Variants in GNAI1 observed in about 807,000 individuals in gnomAD.
The protein encoded by GNAI1 is guanine nucleotide-binding protein G(i) subunit alpha-1.
A neutral mutation model predicts 38.9 loss-of-function variants in GNAI1; 11 were observed. That is an observed-to-expected ratio of 0.28 (90% CI 0.18 to 0.47). The LOEUF is 0.47. Among genes scored for constraint, GNAI1 ranks in the 20% least tolerant of loss-of-function variants. The pLI, the probability that GNAI1 is intolerant of heterozygous loss-of-function variation, is 0.99. For synonymous variants in GNAI1, 166 were observed against 145.1 expected, an observed-to-expected ratio of 1.14 and a Z score of -1.04; for missense variants, 317 against 436.9, an observed-to-expected ratio of 0.73 and a Z score of 2.45.
chr7:80,160,163 C>T (rs1787896815), intron 1 of GNAI1, among the ~76,000 whole-genome samples: 1 of 151,534 alleles, frequency 6.6e-6, no homozygotes, highest in African/African-American at 2.4e-5. Flanking sequence ...GACTTGCATA[C>T]TCTAGGTAGC....
At chr7:80,167,408 A>G (rs1201615734) in intron 1 of GNAI1, among the ~76,000 whole-genome samples, 3 of 152,210 alleles carry the variant, frequency 2.0e-5, no homozygotes, top group Non-Finnish European at 2.9e-5. Flanking sequence ...TGGCAAAGGA[A>G]AAGATTTTCG....
intron 1 of GNAI1, among the ~76,000 whole-genome samples, chr7:80,176,708 G>A (rs956215705): frequency 6.6e-6 from 1 of 151,914 alleles, no homozygotes; most frequent in Admixed American, 6.6e-5. Flanking sequence ...AGGCCAAGGC[G>A]GGCAGATCAC....
chr7:80,159,274 G>A (rs1279573459), intron 1 of GNAI1, among the ~76,000 whole-genome samples: 1 of 152,002 alleles, frequency 6.6e-6, no homozygotes, highest in Admixed American at 6.6e-5. Context: ...AGATGGGCTG[G>A]GCTAAGTGAC....
At chr7:80,135,410 C>T in intron 1 of GNAI1, 132 bp downstream of exon 1, 1 of 510,684 alleles carries the variant, frequency 2.0e-6, no homozygotes. Flanking sequence ...GGAGCTGGGT[C>T]CGGCGGTGCG....
Position 80,210,822 on chromosome 7 carries a change from CA to C in GNAI1, c.591-146del, listed in dbSNP as rs1187027039. The C allele has an allele frequency of 1.3e-5, 6 of 453,118 alleles. No homozygotes were observed. In the East Asian group the frequency reaches 2.5e-4, roughly 19 times the overall value. 28.1% of individuals were successfully genotyped at this position (453,118 alleles called of 1,614,324 possible). A position where few individuals can be genotyped will look rare whatever the true frequency, so the allele number is the denominator to read the frequency against. ...CCCTTTTGAGAAGTCCAGTTTGTGA[CA>C]TTTTTTTCTCCCATAAAGTCCTTCT... On this transcript the variant is annotated intron_variant, in intron 5 of 7. Coordinates refer to ENST00000649796, the MANE Select transcript of GNAI1 (RefSeq NM_002069.6).
At chr7:80,169,223 C>T (rs189354143) in intron 1 of GNAI1, among the ~76,000 whole-genome samples, 2 of 152,236 alleles carry the variant, frequency 1.3e-5, no homozygotes, top group Admixed American at 1.3e-4. Context: ...GTTTTCCATC[C>T]ACTTGCCTCT....
chr7:80,203,713 T>C lies in GNAI1; in HGVS notation c.471T>C (p.Asn157=). ...QLNDSAAYYL[N]DLDRIAQPNY... is the part of the protein sequence containing the mutation. Reference sequence around the variant, plus strand: ...GTTTAATTTTTTTCAGCTATTTGAATGACTTGGACAGAATAGCTCAACCAA... The same window carrying C: ...GTTTAATTTTTTTCAGCTATTTGAACGACTTGGACAGAATAGCTCAACCAA... The change falls in exon 5 of 8, where the codon AAT becomes AAC. Residue 157 remains asparagine, a synonymous_variant. Coordinates refer to ENST00000649796, the MANE Select transcript of GNAI1 (RefSeq NM_002069.6). 2 of 1,576,546 alleles carry C rather than the reference T, an allele frequency of 1.3e-6. No homozygotes were observed. The highest frequency in any genetic ancestry group is 1.7e-6 in the Non-Finnish European group (2 of 1,156,858).
In GNAI1 at chr7:80,178,422, T is replaced by C. The variant is rs930011960; in HGVS notation, c.119-10529T>C. On this transcript the variant is annotated intron_variant, in intron 1 of 7. Coordinates refer to ENST00000649796, the MANE Select transcript of GNAI1 (RefSeq NM_002069.6). Reference sequence around the variant, plus strand: ...GCATCACATGCTGCAGAAAAATCTTTCTTGAAAGGTAGAGTCAGTCAGTGC... The same window carrying C: ...GCATCACATGCTGCAGAAAAATCTTCCTTGAAAGGTAGAGTCAGTCAGTGC... 1.1e-4 allele frequency among the ~76,000 whole-genome samples: 17 copies of C among 152,178 alleles called. 1 individual carries two copies. Among genetic ancestry groups the C allele is most frequent in the Admixed American group, 1.0e-3 (16 of 15,278 alleles).
At chr7:80,173,283 A>G (rs1414119732) in intron 1 of GNAI1, among the ~76,000 whole-genome samples, 1 of 152,194 alleles carries the variant, frequency 6.6e-6, no homozygotes, top group Non-Finnish European at 1.5e-5. Context: ...TCTTGTCTAA[A>G]TATACTTTTA....
chr7:80,214,745 A>C (rs1407443415), intron 7 of GNAI1, among the ~76,000 whole-genome samples: 1 of 152,134 alleles, frequency 6.6e-6, no homozygotes, highest in Non-Finnish European at 1.5e-5. Flanking sequence ...CACTTGATTT[A>C]TCTCCTGTCT....
intron 1 of GNAI1, among the ~76,000 whole-genome samples, chr7:80,158,997 C>A (rs955755040): frequency 2.0e-5 from 3 of 152,190 alleles, no homozygotes; most frequent in African/African-American, 4.8e-5. Context: ...CACTGCCCAC[C>A]ACCCACCACA....
At chr7:80,155,195 CT>C (rs1373499627) in intron 1 of GNAI1, among the ~76,000 whole-genome samples, 1 of 152,016 alleles carries the variant, frequency 6.6e-6, no homozygotes, top group Non-Finnish European at 1.5e-5. Context: ...AAGTTTAATA[CT>C]TTTTATAATC....
Position 80,224,849 on chromosome 7 carries a change from T to C in GNAI1, c.*7356T>C, listed in dbSNP as rs1460586743. 2.0e-5 allele frequency among the ~76,000 whole-genome samples: 3 copies of C among 152,222 alleles called. No individual in the cohort carries two copies. The highest frequency in any genetic ancestry group is 7.2e-5 in the African/African-American group (3 of 41,448). ...ACATGTTGAACTGATTTGTGATATA[T>C]TGGGTTATATAATTTTAAAATTCTA... On this transcript the variant is annotated 3_prime_UTR_variant, in exon 8 of 8. Transcript: ENST00000649796.
intron 1 of GNAI1, among the ~76,000 whole-genome samples, chr7:80,165,952 C>T (rs1001601171): frequency 1.1e-4 from 16 of 151,918 alleles, no homozygotes; most frequent in Admixed American, 7.9e-4. Context: ...AATATAAAAC[C>T]TTGGACTCCT....
At chr7:80,160,768 G>C (rs963694709) in intron 1 of GNAI1, among the ~76,000 whole-genome samples, 1 of 151,752 alleles carries the variant, frequency 6.6e-6, no homozygotes, top group Non-Finnish European at 1.5e-5. Context: ...AGAGTATTTT[G>C]GTAAAACAAT....
At position 80,225,520 on chromosome 7, in the gene GNAI1, C is replaced by T. The variant is rs374376302; in HGVS notation, c.*8027C>T. On this transcript the variant is annotated 3_prime_UTR_variant, in exon 8 of 8. Transcript: ENST00000649796. ...AGCCAAATTCCTTTCTTTCTCCACACCTCCCACAGGACTGGGCTGAGCACA... is the reference window on the plus strand; with the variant it reads ...AGCCAAATTCCTTTCTTTCTCCACATCTCCCACAGGACTGGGCTGAGCACA... Among the ~76,000 whole-genome samples, 3 of 151,992 alleles carry T rather than the reference C, an allele frequency of 2.0e-5. No individual in the cohort carries two copies. Among genetic ancestry groups the T allele is most frequent in the Non-Finnish European group, 4.4e-5 (3 of 68,010 alleles).
intron 1 of GNAI1, among the ~76,000 whole-genome samples, chr7:80,157,063 T>A (rs1039711995): frequency 2.1e-4 from 32 of 152,224 alleles, no homozygotes; most frequent in African/African-American, 7.2e-4. Context: ...CATTATAGAA[T>A]CACACGGAGT....
chr7:80,206,603 C>T (rs188929395), intron 5 of GNAI1, among the ~76,000 whole-genome samples: 2 of 151,724 alleles, frequency 1.3e-5, no homozygotes, highest in East Asian at 3.9e-4. Context: ...ACCTAGTATA[C>T]CTTAGATTCT....
At chr7:80,185,923 T>C (rs996725799) in intron 1 of GNAI1, among the ~76,000 whole-genome samples, 1 of 152,144 alleles carries the variant, frequency 6.6e-6, no homozygotes, top group Admixed American at 6.5e-5. Flanking sequence ...CTTTGAAACG[T>C]TTTTGCAAAA....
Sources: gnomAD v4.1 joint callset for allele counts (sites outside exome capture counted in the v4.1 genomes callset) on GRCh38, gnomAD v4.1.1 for gene constraint, MANE v1.5 for transcripts, NCBI Gene and HGNC (gene_info 2026-07-23, HGNC 2026-07-21) for gene names.